Variants in VMP1 observed in about 807,000 individuals in gnomAD.
VMP1 encodes the protein ectopic P-granules autophagy protein 3 homolog.
Under a neutral mutation model 56.0 loss-of-function variants are expected in VMP1, and 11 were observed. The ratio of observed to expected loss-of-function variants is 0.20; its 90% CI spans 0.12 to 0.32. The LOEUF (loss-of-function observed/expected upper bound fraction) is 0.32, where lower values mean the gene tolerates loss of function less well. Among genes scored for constraint, VMP1 ranks in the 10% least tolerant of loss-of-function variants. VMP1 has a pLI of 1.00. For synonymous variants in VMP1, 149 were observed against 165.0 expected (o/e 0.90, Z 0.74); for missense variants, 296 against 490.3 (o/e 0.60, Z 3.74).
At chr17:59,804,388 T>C (rs893066715) in intron 7 of VMP1, among the ~76,000 whole-genome samples, 5 of 151,132 alleles carry the variant, frequency 3.3e-5, no homozygotes, top group Non-Finnish European at 7.4e-5. Flanking sequence ...CTGAGGCGGG[T>C]GGATCGCCTA....
chr17:59,763,399 T>A (rs1189356200), intron 5 of VMP1, among the ~76,000 whole-genome samples: 1 of 152,080 alleles, frequency 6.6e-6, no homozygotes, highest in East Asian at 1.9e-4. Flanking sequence ...TCTTATATAA[T>A]TATTTTAATA....
At chr17:59,784,513 T>C (rs2036940959) in intron 7 of VMP1, among the ~76,000 whole-genome samples, 1 of 152,154 alleles carries the variant, frequency 6.6e-6, no homozygotes, top group African/African-American at 2.4e-5. Context: ...CTACCTTCTT[T>C]TAAAACTATT....
chr17:59,725,180 T>A (rs1598295494), intron 1 of VMP1, among the ~76,000 whole-genome samples: 2 of 152,060 alleles, frequency 1.3e-5, no homozygotes, highest in Admixed American at 1.3e-4. Context: ...ATAATAATAA[T>A]AACTGGCACA....
intron 7 of VMP1, among the ~76,000 whole-genome samples, chr17:59,801,882 T>A (rs1486046680): frequency 1.3e-5 from 2 of 151,102 alleles, no homozygotes; most frequent in Non-Finnish European, 2.9e-5. Context: ...AAACTCCATC[T>A]CAAAAACAAA....
intron 11 of VMP1, 106 bp from the exon 12 acceptor site, chr17:59,839,662 T>G (rs1286878545): frequency 7.2e-7 from 1 of 1,398,296 alleles, no homozygotes; most frequent in Non-Finnish European, 9.6e-7. Flanking sequence ...TTTTTAATTC[T>G]TTAGGTTTTG....
intron 10 of VMP1, among the ~76,000 whole-genome samples, chr17:59,820,974 GTT>G (rs904404398): frequency 1.4e-5 from 2 of 138,650 alleles, no homozygotes; most frequent in African/African-American, 2.6e-5. Context: ...TCTTTTTTTT[GTT>G]TTTTTTTTTT....
At chr17:59,770,681 C>T (rs1473239205) in intron 6 of VMP1, among the ~76,000 whole-genome samples, 1 of 151,522 alleles carries the variant, frequency 6.6e-6, no homozygotes, top group East Asian at 1.9e-4. Context: ...CTCGTATTCC[C>T]ACAATTCTCC....
At chr17:59,791,212 G>A (rs1238681751) in intron 7 of VMP1, among the ~76,000 whole-genome samples, 1 of 146,038 alleles carries the variant, frequency 6.8e-6, no homozygotes, top group South Asian at 2.2e-4. Flanking sequence ...TTTTAAGATG[G>A]AGTCCCGCTC....
At chr17:59,781,782 C>A (rs2036832844) in intron 7 of VMP1, among the ~76,000 whole-genome samples, 1 of 151,916 alleles carries the variant, frequency 6.6e-6, no homozygotes, top group South Asian at 2.1e-4. Flanking sequence ...GTGCATATAT[C>A]TTTTTTATGA....
chr17:59,777,283 C>T (rs968108055), intron 7 of VMP1, among the ~76,000 whole-genome samples: 1 of 152,174 alleles, frequency 6.6e-6, no homozygotes, highest in Non-Finnish European at 1.5e-5. Flanking sequence ...TGATACCATA[C>T]ATTCTAAACT....
intron 7 of VMP1, among the ~76,000 whole-genome samples, chr17:59,801,089 A>AT (rs1555623866): frequency 1.7e-4 from 20 of 114,452 alleles, no homozygotes; most frequent in Non-Finnish European, 2.5e-4. Flanking sequence ...CGAAAAAAAA[A>AT]AAATATATAT....
At chr17:59,782,137 G>C (rs994013394) in intron 7 of VMP1, among the ~76,000 whole-genome samples, 4 of 152,154 alleles carry the variant, frequency 2.6e-5, no homozygotes, top group African/African-American at 9.7e-5. Context: ...TCGAGCTCCC[G>C]ACCTCAAGTG....
At chr17:59,741,186 C>T (rs899641111) in intron 5 of VMP1, among the ~76,000 whole-genome samples, 3 of 151,826 alleles carry the variant, frequency 2.0e-5, no homozygotes, top group East Asian at 1.9e-4. Context: ...CAAAGTGAGA[C>T]CTTGTCTCAA....
In VMP1 at chr17:59,775,131, A is replaced by T. The variant is rs2036573569; in HGVS notation, c.714+1246A>T. Among the ~76,000 whole-genome samples the T allele has an allele frequency of 2.0e-5, 3 of 151,866 alleles. No individual in the cohort carries two copies. The South Asian group carries it at 6.2e-4, about 32-fold the overall frequency. On this transcript the variant is annotated intron_variant, in intron 7 of 11. Transcript: ENST00000262291. ...TAACATTTTGTATTTTGTTTAGTAG[A>T]GACGGGGTTTCACCATGTTAGCCAG... is the stretch of plus-strand genomic sequence containing the variant.
intron 7 of VMP1, among the ~76,000 whole-genome samples, chr17:59,807,191 G>GTTTTT (rs1457969471): frequency 7.0e-6 from 1 of 142,746 alleles, no homozygotes; most frequent in African/African-American, 2.6e-5. Context: ...CTTCTTTTTT[G>GTTTTT]TTTTTTTGTT....
At chr17:59,728,110 G>A (rs1301118614) in intron 1 of VMP1, among the ~76,000 whole-genome samples, 1 of 152,166 alleles carries the variant, frequency 6.6e-6, no homozygotes, top group African/African-American at 2.4e-5. Flanking sequence ...TTAAAAAGGA[G>A]AATATTACAG....
intron 8 of VMP1, among the ~76,000 whole-genome samples, chr17:59,809,304 CTTT>C (rs57274450): frequency 1.1e-3 from 37 of 33,448 alleles, no homozygotes; most frequent in South Asian, 4.0e-3. Context: ...GCCCATTCAA[CTTT>C]TTTTTTTTTT....
intron 5 of VMP1, among the ~76,000 whole-genome samples, chr17:59,760,597 A>T (rs2143962507): frequency 6.6e-6 from 1 of 152,086 alleles, no homozygotes; most frequent in South Asian, 2.1e-4. Flanking sequence ...GATTTTTAGC[A>T]GTTTGATTAT....
chr17:59,832,092 G>A (rs911094412), intron 10 of VMP1, among the ~76,000 whole-genome samples: 2 of 150,792 alleles, frequency 1.3e-5, no homozygotes, highest in Non-Finnish European at 1.5e-5. Context: ...GTTTGTGCCA[G>A]GAATAAAAAT....
Sources: allele counts gnomAD v4.1 joint callset (sites outside exome capture counted in the v4.1 genomes callset), GRCh38; gene constraint gnomAD v4.1.1; transcripts MANE v1.5; gene names NCBI Gene and HGNC (gene_info 2026-07-23, HGNC 2026-07-21).